Variants in TNS1 observed in about 807,000 individuals in gnomAD.
TNS1 encodes tensin-1.
A neutral mutation model predicts 168.6 loss-of-function variants in TNS1; 62 were observed. The ratio of observed to expected loss-of-function variants is 0.37; its 90% CI spans 0.30 to 0.45. The LOEUF (loss-of-function observed/expected upper bound fraction) is 0.45, where lower values mean the gene tolerates loss of function less well. TNS1 is among the 20% of genes least tolerant of loss of function. TNS1 has a pLI of 1.00. For missense variants in TNS1, 2,240 were observed against 2,339.4 expected (o/e 0.96, Z 0.88); for synonymous variants, 934 against 933.2 (o/e 1.00, Z -0.02).
intron 6 of TNS1, among the ~76,000 whole-genome samples, chr2:217,902,997 A>C (rs574697327): frequency 2.0e-4 from 31 of 152,184 alleles, no homozygotes; most frequent in Non-Finnish European, 3.4e-4. Context: ...ACGGCATGTC[A>C]GCAAACACAC....
intron 3 of TNS1, among the ~76,000 whole-genome samples, chr2:217,975,870 T>C (rs995557801): frequency 1.3e-5 from 2 of 152,096 alleles, no homozygotes; most frequent in African/African-American, 4.8e-5. Context: ...ATCAGCAGCC[T>C]CTTGGCCCAT....
intron 18 of TNS1, among the ~76,000 whole-genome samples, chr2:217,872,700 G>A (rs1448934212): frequency 6.6e-6 from 1 of 152,184 alleles, no homozygotes; most frequent in Non-Finnish European, 1.5e-5. Context: ...CTACCCAAGA[G>A]CAATGACAAC....
At chr2:217,955,521 C>G (rs1465409581) in intron 3 of TNS1, among the ~76,000 whole-genome samples, 2 of 152,128 alleles carry the variant, frequency 1.3e-5, no homozygotes, top group South Asian at 2.1e-4. Flanking sequence ...CGCACAGTGC[C>G]CGTCCACCAC....
intron 3 of TNS1, among the ~76,000 whole-genome samples, chr2:217,961,288 C>T (rs73990643): frequency 5.4e-4 from 79 of 145,034 alleles, no homozygotes; most frequent in African/African-American, 1.9e-3. Context: ...GAGGCTGAAG[C>T]TGTAATTCCT....
chr2:217,833,386 T>C (rs564614790), intron 21 of TNS1, among the ~76,000 whole-genome samples: 1 of 152,330 alleles, frequency 6.6e-6, no homozygotes, highest in South Asian at 2.1e-4. Context: ...AGAGAAAAAT[T>C]CCACACGTTT....
chr2:217,901,995 C>T (rs1309834193), intron 6 of TNS1: 1 of 152,410 alleles, frequency 6.6e-6, no homozygotes, highest in Admixed American at 6.5e-5. Flanking sequence ...GAGGGAAGAG[C>T]CAAGTGGGGC....
chr2:217,851,440 TACAC>T (rs3838563), intron 18 of TNS1, among the ~76,000 whole-genome samples: 4,295 of 139,766 alleles, frequency 0.031, 176 homozygotes, highest in African/African-American at 0.099. Context: ...TGCATCCCTC[TACAC>T]ACACACACAC....
chr2:217,880,804 C>A lies in TNS1; in HGVS notation c.1429+94G>T. 2 of 965,084 alleles carry A rather than the reference C, an allele frequency of 2.1e-6. No homozygotes were observed. The highest frequency in any genetic ancestry group is 1.9e-5 in the Admixed American group (1 of 53,892). The allele number at this position is 965,084 out of a possible 1,614,324, so 59.8% of individuals were successfully genotyped here. ...CTTCCCCTCTGCCTCCTCTCGAACC[C>A]AGATCTCTTGAAAGCAGGCCAAGAG... On this transcript the variant is annotated intron_variant, in intron 18 of 32. Coordinates refer to ENST00000682258, the MANE Select transcript of TNS1 (RefSeq NM_001387777.1). This position sits in a 1 kb window ranked among gnomAD's most constrained non-coding sequence, Gnocchi z 4.2.
intron 18 of TNS1, among the ~76,000 whole-genome samples, chr2:217,869,349 G>A (rs768339159): frequency 6.6e-6 from 1 of 152,226 alleles, no homozygotes; most frequent in Non-Finnish European, 1.5e-5. Flanking sequence ...CCTCTGAAAA[G>A]GCAGGGAGGA....
intron 32 of TNS1, among the ~76,000 whole-genome samples, chr2:217,807,683 A>G (rs1939435179): frequency 6.6e-6 from 1 of 152,222 alleles, no homozygotes; most frequent in East Asian, 1.9e-4. Flanking sequence ...TTGCTCGGCC[A>G]CAAGACTCAC....
intron 7 of TNS1, among the ~76,000 whole-genome samples, chr2:217,898,431 G>A (rs934073874): frequency 3.3e-5 from 5 of 152,208 alleles, no homozygotes; most frequent in South Asian, 4.1e-4. Context: ...GCCCTGGAAC[G>A]GAGACTTCCC....
intron 3 of TNS1, among the ~76,000 whole-genome samples, chr2:217,935,871 T>TA (rs1956578097): frequency 6.6e-6 from 1 of 152,208 alleles, no homozygotes; most frequent in Admixed American, 6.5e-5. Context: ...CATAGTCATA[T>TA]AGCCTGCAAG....
chr2:217,860,429 T>C (rs904420325), intron 18 of TNS1, among the ~76,000 whole-genome samples: 3 of 152,160 alleles, frequency 2.0e-5, no homozygotes, highest in Non-Finnish European at 4.4e-5. Flanking sequence ...AGGGGTTCTA[T>C]GCCTCAGGCT....
rs1005987537 is a variant in TNS1 at position 218,033,909 on chromosome 2, G to C, written c.67C>G (p.Pro23Ala). Residue 23 changes from proline (P) to alanine (A), a missense_variant, in exon 1 of 2, where the codon CCC (proline) becomes GCC (alanine). Physicochemically the swap from Pro to Ala is conservative, Grantham distance 27. Transcript: ENST00000649572. This position sits in a 1 kb window ranked among gnomAD's most constrained non-coding sequence, Gnocchi z 4.3. ...GCCGAGACCCAGGGACTCCCCGGGGGCTGGGGACCGCAGAGTGGTCCGGGC... is the reference window on the plus strand; with the variant it reads ...GCCGAGACCCAGGGACTCCCCGGGGCCTGGGGACCGCAGAGTGGTCCGGGC... Among the ~76,000 whole-genome samples, 1 of 152,184 alleles carries C rather than the reference G, an allele frequency of 6.6e-6. No individual in the cohort carries two copies. Among genetic ancestry groups the C allele is most frequent in the Non-Finnish European group, 1.5e-5 (1 of 68,022 alleles).
At chr2:217,957,485 C>G (rs1452260663) in intron 3 of TNS1, among the ~76,000 whole-genome samples, 1 of 152,142 alleles carries the variant, frequency 6.6e-6, no homozygotes, top group Non-Finnish European at 1.5e-5. Context: ...GAAATAAGGA[C>G]CCATCAGAAA....
chr2:217,883,454 G>A (rs759140311), intron 16 of TNS1, among the ~76,000 whole-genome samples: 2 of 151,876 alleles, frequency 1.3e-5, no homozygotes, highest in Non-Finnish European at 2.9e-5. Context: ...TTGTAGAGAT[G>A]GGGTCTCACT....
chr2:217,900,570 G>A (rs1348117577), intron 6 of TNS1, 58 bp from the exon 7 acceptor site: 11 of 1,490,786 alleles, frequency 7.4e-6, no homozygotes, highest in South Asian at 1.2e-5. Flanking sequence ...GGCAGGAGGA[G>A]CACACCAGAG....
At position 217,848,818 on chromosome 2, in the gene TNS1, G is replaced by A. The variant is rs373131506; in HGVS notation, c.1699C>T (p.Arg567Cys). Residue 567 changes from arginine (R) to cysteine (C), a missense_variant, in exon 19 of 33, where the codon CGC becomes TGC. This residue lies in a region of TNS1 where 2,131 missense variants were observed against 2,171.2 expected (regional missense o/e 0.98). Transcript: ENST00000682258. ...LSPQEKRELD[R>C]LLSGFGLERE... ...TCTAAGCCAAAGCCACTCAGCAGGC[G>A]GTCCAGCTCCCGCTTCTCCTGGGGA... 1.1e-4 allele frequency: 179 copies of A among 1,614,048 alleles called. No individual in the cohort carries two copies. The highest frequency in any genetic ancestry group is 7.5e-4 in the Admixed American group (45 of 60,004).
chr2:217,953,997 G>T (rs559907420), intron 3 of TNS1, among the ~76,000 whole-genome samples: 2 of 152,208 alleles, frequency 1.3e-5, no homozygotes, highest in Non-Finnish European at 2.9e-5. Context: ...GAAGACTCAG[G>T]AGAGCATTTA....
Sources: gnomAD v4.1 joint callset for allele counts (sites outside exome capture counted in the v4.1 genomes callset) on GRCh38, gnomAD v4.1.1 for gene constraint, gnomAD v4.1.1 regional missense constraint, Gnocchi (gnomAD v3.1) non-coding constraint, MANE v1.5 for transcripts, NCBI Gene and HGNC (gene_info 2026-07-23, HGNC 2026-07-21) for gene names.